The following GPR107 variants were observed in gnomAD, a reference collection of about 807,000 sequenced individuals.
GPR107 encodes G protein-coupled receptor 107.
In GPR107, 31 loss-of-function variants were observed where a neutral mutation model predicts 75.5. The ratio of observed to expected loss-of-function variants is 0.41; its 90% CI spans 0.31 to 0.55. The LOEUF (loss-of-function observed/expected upper bound fraction) is 0.55. Among genes scored for constraint, GPR107 ranks in the 20% least tolerant of loss-of-function variants. The pLI is 0.26. For synonymous variants in GPR107, 267 were observed against 251.3 expected, an observed-to-expected ratio of 1.06 and a Z score of -0.59; for missense variants, 572 against 665.7, an observed-to-expected ratio of 0.86 and a Z score of 1.55.
chr9:130,116,970 G>C (rs1831441057), intron 14 of GPR107, among the ~76,000 whole-genome samples: 1 of 146,476 alleles, frequency 6.8e-6, no homozygotes, highest in South Asian at 2.1e-4. Flanking sequence ...TTTTGAGACA[G>C]AGTTTCGCTC....
Position 130,114,029 on chromosome 9 carries a change from C to CTTTTTTT in GPR107, c.1306+6504_1306+6510dup, listed in dbSNP as rs60616601. ...CAAAAATAATTCTGGTCTTCTCATTCTTTTTTTTTTTTTTTTTTTTCATTT... is the reference window on the plus strand; with the variant it reads ...CAAAAATAATTCTGGTCTTCTCATTCTTTTTTTTTTTTTTTTTTTTTTTTTTTCATTT... On this transcript the variant is annotated intron_variant, in intron 14 of 17. Transcript: ENST00000347136. Among the ~76,000 whole-genome samples, 634 of 90,634 alleles carry CTTTTTTT rather than the reference C, an allele frequency of 7.0e-3. 16 individuals are homozygous for CTTTTTTT. Among genetic ancestry groups the CTTTTTTT allele is most frequent in the African/African-American group, 0.014 (311 of 22,494 alleles). The allele number at this position is 90,634 out of a possible 152,430, so 59.5% of individuals were successfully genotyped here.
intron 13 of GPR107, among the ~76,000 whole-genome samples, 160 bp from the exon 14 acceptor site, chr9:130,107,336 T>C (rs968415047): frequency 1.3e-5 from 2 of 152,192 alleles, no homozygotes; most frequent in Non-Finnish European, 2.9e-5. Flanking sequence ...TATCAACCAT[T>C]TCCCCCCCTC....
intron 12 of GPR107, 59 bp downstream of exon 12, chr9:130,101,282 T>C (rs201999569): frequency 6.9e-4 from 629 of 912,974 alleles, no homozygotes; most frequent in Middle Eastern, 2.1e-3. Context: ...AGGGCTCAGC[T>C]CCAAGCCTGT....
chr9:130,074,639 C>T (rs763074796), intron 1 of GPR107, among the ~76,000 whole-genome samples: 1 of 152,086 alleles, frequency 6.6e-6, no homozygotes, highest in Non-Finnish European at 1.5e-5. Context: ...TTAGGATTAT[C>T]TTGTATCCAA....
At chr9:130,131,250 G>A (rs781887316) in intron 17 of GPR107, among the ~76,000 whole-genome samples, 10 of 152,146 alleles carry the variant, frequency 6.6e-5, no homozygotes, top group Non-Finnish European at 1.2e-4. Context: ...TTCCAGGACC[G>A]TTGCGGGCGC....
At chr9:130,055,425 G>A (rs191650963) in intron 1 of GPR107, among the ~76,000 whole-genome samples, 112 of 151,648 alleles carry the variant, frequency 7.4e-4, no homozygotes, top group African/African-American at 2.5e-3. Flanking sequence ...CTACTCGGGA[G>A]ACTGAGGCAG....
chr9:130,137,149 C>T lies in GPR107; in HGVS notation c.*2028C>T, dbSNP rs1231731883. The T allele has an allele frequency of 1.3e-5, 2 of 152,224 alleles. No individual in the cohort carries two copies. Among genetic ancestry groups the T allele is most frequent in the African/African-American group, 4.8e-5 (2 of 41,448 alleles). The allele number at this position is 152,224 out of a possible 1,614,324, so 9.4% of individuals were successfully genotyped here. A position where few individuals can be genotyped will look rare whatever the true frequency, so the allele number is the denominator to read the frequency against. On this transcript the variant is annotated 3_prime_UTR_variant, in exon 18 of 18. Transcript: ENST00000347136. Reference sequence around the variant, plus strand: ...ATGTTGTGGATGAGGCGATAGACTCCTTGGCAAGAACGAAAGGTGTGATGA... The same window carrying T: ...ATGTTGTGGATGAGGCGATAGACTCTTTGGCAAGAACGAAAGGTGTGATGA...
chr9:130,120,433 A>G (rs1831521258), intron 14 of GPR107, among the ~76,000 whole-genome samples: 1 of 152,076 alleles, frequency 6.6e-6, no homozygotes, highest in African/African-American at 2.4e-5. Context: ...TTACTTGGTT[A>G]AGACCTGCAG....
In GPR107 at chr9:130,077,286, C is replaced by T. The variant is rs1247272705; in HGVS notation, c.307-13C>T. ...TGAATAAGATGATGTACAATTGGCT[C>T]TTCCTTTCTCAGGATGAAGATGTGA... is the stretch of plus-strand genomic sequence containing the variant. On this transcript the variant is annotated splice_polypyrimidine_tract_variant and intron_variant, in intron 3 of 17. Coordinates refer to ENST00000347136, the MANE Select transcript of GPR107 (RefSeq NM_020960.5). The T allele has an allele frequency of 1.4e-6, 2 of 1,407,320 alleles. No individual in the cohort carries two copies. The highest frequency in any genetic ancestry group is 1.7e-5 in the Admixed American group (1 of 59,750). The allele number at this position is 1,407,320 out of a possible 1,614,324, so 87.2% of individuals were successfully genotyped here. A position where few individuals can be genotyped will look rare whatever the true frequency, so the allele number is the denominator to read the frequency against.
chr9:130,070,078 A>G (rs1830168203), intron 1 of GPR107, among the ~76,000 whole-genome samples: 1 of 134,430 alleles, frequency 7.4e-6, no homozygotes, highest in Middle Eastern at 4.5e-3. Flanking sequence ...ATCTTGGCTC[A>G]TTTGGCCTCG....
chr9:130,128,837 C>G, intron 17 of GPR107, 76 bp downstream of exon 17: 1 of 1,332,056 alleles, frequency 7.5e-7, no homozygotes, highest in Non-Finnish European at 1.1e-6. Context: ...TGAATCGGGT[C>G]GGCTGCTCTC....
chr9:130,076,535 C>T, intron 3 of GPR107, 73 bp downstream of exon 3: 2 of 920,856 alleles, frequency 2.2e-6, no homozygotes, highest in Non-Finnish European at 3.6e-6. Context: ...CACCCTACTT[C>T]TTGCAGTTCC....
At chr9:130,121,298 A>G (rs559857176) in intron 14 of GPR107, among the ~76,000 whole-genome samples, 2 of 152,356 alleles carry the variant, frequency 1.3e-5, no homozygotes, top group African/African-American at 4.8e-5. Context: ...CACACTTAAA[A>G]CACACTAACA....
chr9:130,085,992 C>A (rs1265106538), intron 6 of GPR107, among the ~76,000 whole-genome samples: 2 of 152,124 alleles, frequency 1.3e-5, no homozygotes, highest in Admixed American at 1.3e-4. Flanking sequence ...CTCAAGTGAT[C>A]TGCCCACCTT....
intron 2 of GPR107, among the ~76,000 whole-genome samples, chr9:130,076,119 C>T (rs1176820032): frequency 2.0e-5 from 3 of 152,130 alleles, no homozygotes; most frequent in Non-Finnish European, 4.4e-5. Context: ...AGTCACCTTC[C>T]AACCCCAATG....
intron 1 of GPR107, among the ~76,000 whole-genome samples, chr9:130,059,416 A>G (rs986145772): frequency 2.6e-5 from 4 of 152,158 alleles, no homozygotes; most frequent in Non-Finnish European, 5.9e-5. Context: ...GTAACGCAGG[A>G]GGTGGAGGTT....
intron 14 of GPR107, among the ~76,000 whole-genome samples, chr9:130,109,922 T>C (rs545046347): frequency 3.9e-5 from 6 of 152,366 alleles, no homozygotes; most frequent in East Asian, 3.9e-4. Context: ...TTTATTATCT[T>C]ATACACTTCT....
At chr9:130,086,346 G>C in intron 6 of GPR107, 74 bp from the exon 7 acceptor site, 1 of 770,316 alleles carries the variant, frequency 1.3e-6, no homozygotes, top group East Asian at 2.5e-5. Context: ...GTTTTGTTTT[G>C]TTTAATAAAT....
intron 1 of GPR107, among the ~76,000 whole-genome samples, chr9:130,056,987 G>A (rs2041455): frequency 0.91 from 134,303 of 147,940 alleles, 61,319 homozygotes; most frequent in East Asian, 0.97. Context: ...CGCATTCAAA[G>A]CCATCCTGGG....
Sources: allele counts gnomAD v4.1 joint callset (sites outside exome capture counted in the v4.1 genomes callset), GRCh38; gene constraint gnomAD v4.1.1; transcripts MANE v1.5; gene names NCBI Gene and HGNC (gene_info 2026-07-23, HGNC 2026-07-21).